Variants in AGBL1 observed in about 807,000 individuals in gnomAD.
The protein encoded by AGBL1 is AGBL carboxypeptidase 1.
A neutral mutation model predicts 118.9 loss-of-function variants in AGBL1; 130 were observed. The observed-to-expected ratio is 1.09, with a 90% CI of 0.95 to 1.26. The LOEUF (loss-of-function observed/expected upper bound fraction) is 1.26. Among genes scored for constraint, AGBL1 ranks in the 50% most tolerant of loss-of-function variants. The probability of loss-of-function intolerance (pLI) is 0.00; values close to 1 mark genes in which losing one functional copy is unlikely to be tolerated. For synonymous variants in AGBL1, 555 were observed against 478.9 expected, an observed-to-expected ratio of 1.16 and a Z score of -2.08; for missense variants, 1,584 against 1,298.1, an observed-to-expected ratio of 1.22 and a Z score of -3.38.
rs2086232605 is a variant in AGBL1 at position 86,695,026 on chromosome 15, G to T, written c.3158+20590G>T. On this transcript the variant is annotated intron_variant, in intron 22 of 22. Transcript: ENST00000614907. Reference sequence around the variant, plus strand: ...TTTTGTTAAGAATTTTTGCATCTGTGTTCATCAGGGATATTGGTCTGTAGT... The same window carrying T: ...TTTTGTTAAGAATTTTTGCATCTGTTTTCATCAGGGATATTGGTCTGTAGT... 2.0e-5 allele frequency among the ~76,000 whole-genome samples: 3 copies of T among 151,952 alleles called. 1 individual carries two copies. Among genetic ancestry groups the T allele is most frequent in the Admixed American group, 2.0e-4 (3 of 15,230 alleles).
intron 18 of AGBL1, among the ~76,000 whole-genome samples, chr15:86,451,818 A>G (rs950022231): frequency 1.3e-5 from 2 of 152,072 alleles, no homozygotes; most frequent in African/African-American, 4.8e-5. Context: ...TATGATTTGC[A>G]CATGTCTGTA....
chr15:86,101,034 T>A (rs557349812), intron 1 of AGBL1, among the ~76,000 whole-genome samples: 1 of 152,296 alleles, frequency 6.6e-6, no homozygotes, highest in South Asian at 2.1e-4. Context: ...CAACTTTTGC[T>A]GTGTGCAATA....
intron 5 of AGBL1, among the ~76,000 whole-genome samples, chr15:86,214,236 G>A (rs2141896330): frequency 6.6e-6 from 1 of 152,298 alleles, no homozygotes; most frequent in South Asian, 2.1e-4. Context: ...CCTGCTCTGT[G>A]CTGTGCATTG....
intron 6 of AGBL1, among the ~76,000 whole-genome samples, chr15:86,229,453 A>G (rs1265121999): frequency 6.6e-6 from 1 of 152,172 alleles, no homozygotes; most frequent in Non-Finnish European, 1.5e-5. Context: ...GCATGAGGGT[A>G]ACTGCCCCCG....
At chr15:86,508,171 C>G (rs2083003496) in intron 18 of AGBL1, among the ~76,000 whole-genome samples, 1 of 151,928 alleles carries the variant, frequency 6.6e-6, no homozygotes, top group Non-Finnish European at 1.5e-5. Flanking sequence ...ATCTGCCCAC[C>G]TTGGCCTCCC....
At chr15:86,616,809 A>T (rs1284587998) in intron 21 of AGBL1, among the ~76,000 whole-genome samples, 1 of 152,208 alleles carries the variant, frequency 6.6e-6, no homozygotes, top group African/African-American at 2.4e-5. Flanking sequence ...TTTGTAAATT[A>T]TACTTCAATA....
intron 5 of AGBL1, among the ~76,000 whole-genome samples, chr15:86,202,873 G>C (rs993859498): frequency 6.6e-6 from 1 of 152,074 alleles, no homozygotes; most frequent in Non-Finnish European, 1.5e-5. Context: ...TGCTCTGGAG[G>C]GGTTTAAGAT....
At chr15:86,636,401 G>A (rs954662704) in intron 21 of AGBL1, among the ~76,000 whole-genome samples, 6 of 151,644 alleles carry the variant, frequency 4.0e-5, no homozygotes, top group African/African-American at 1.2e-4. Flanking sequence ...ATGATTTCAG[G>A]ACATTTTGAA....
chr15:86,161,593 G>A (rs938372196), intron 5 of AGBL1, among the ~76,000 whole-genome samples: 3 of 152,122 alleles, frequency 2.0e-5, no homozygotes, highest in Non-Finnish European at 2.9e-5. Context: ...TGCAGTTAAA[G>A]TTTGCTTAAA....
At chr15:86,403,533 T>C (rs1340233658) in intron 18 of AGBL1, among the ~76,000 whole-genome samples, 1 of 152,110 alleles carries the variant, frequency 6.6e-6, no homozygotes, top group Non-Finnish European at 1.5e-5. Context: ...TTTACTCCAC[T>C]GTGGGTTGTG....
intron 22 of AGBL1, among the ~76,000 whole-genome samples, chr15:86,824,165 A>C (rs1430779185): frequency 6.6e-6 from 1 of 152,128 alleles, no homozygotes; most frequent in African/African-American, 2.4e-5. Context: ...AAGATTGTCT[A>C]TGTAAAACAT....
chr15:86,562,086 T>C (rs535452873), intron 21 of AGBL1, among the ~76,000 whole-genome samples: 62 of 152,322 alleles, frequency 4.1e-4, no homozygotes, highest in African/African-American at 1.4e-3. Flanking sequence ...AATATACAAT[T>C]ATGTCATCTG....
intron 18 of AGBL1, among the ~76,000 whole-genome samples, chr15:86,497,778 G>T (rs2082871750): frequency 6.6e-6 from 1 of 151,854 alleles, no homozygotes; most frequent in South Asian, 2.1e-4. Flanking sequence ...GAGCTACCTG[G>T]TGCACCCAGT....
intron 15 of AGBL1, among the ~76,000 whole-genome samples, chr15:86,277,314 GTGTA>G (rs60657989): frequency 0.039 from 4,263 of 108,318 alleles, 67 homozygotes; most frequent in African/African-American, 0.075. Flanking sequence ...ATGTGTGTGT[GTGTA>G]TGTGTGTGTG....
At position 86,264,277 on chromosome 15, in the gene AGBL1, G is replaced by C. The variant is rs2079036653; in HGVS notation, c.1106G>C (p.Gly369Ala). Reference protein sequence around the residue: ...YSFEELQSKLGDDLNSEKTQY... With the variant: ...YSFEELQSKLADDLNSEKTQY... Reference sequence around the variant, plus strand: ...CTGAAGGAACTGCAGTCCAAACTTGGAGATGATTTGAACTCTGAAAAGACT... The same window carrying C: ...CTGAAGGAACTGCAGTCCAAACTTGCAGATGATTTGAACTCTGAAAAGACT... Residue 369 changes from glycine to alanine, a missense_variant, in exon 11 of 23, where the codon GGA (glycine) becomes GCA (alanine). By Grantham distance (60) the Gly-to-Ala change is moderately conservative. Coordinates refer to ENST00000614907, the MANE Select transcript of AGBL1 (RefSeq NM_001386094.1). The C allele has an allele frequency of 1.2e-6, 2 of 1,600,542 alleles. No individual in the cohort carries two copies. Among genetic ancestry groups the C allele is most frequent in the African/African-American group, 1.3e-5 (1 of 74,500 alleles).
chr15:86,735,290 A>C (rs546231487), intron 22 of AGBL1, among the ~76,000 whole-genome samples: 1 of 152,168 alleles, frequency 6.6e-6, no homozygotes, highest in East Asian at 1.9e-4. Context: ...CATGTCGGTC[A>C]GGATGGTTTT....
chr15:86,769,475 A>G (rs1447684255), intron 22 of AGBL1, among the ~76,000 whole-genome samples: 1 of 151,960 alleles, frequency 6.6e-6, no homozygotes, highest in Non-Finnish European at 1.5e-5. Flanking sequence ...CTCATCACAC[A>G]GTTTCCATGT....
chr15:86,523,242 C>T (rs937155287), intron 19 of AGBL1, among the ~76,000 whole-genome samples: 2 of 152,160 alleles, frequency 1.3e-5, no homozygotes, highest in African/African-American at 4.8e-5. Flanking sequence ...TTTGTCTGTT[C>T]CAGCTTCTGG....
chr15:86,219,248 C>A (rs73447613), intron 5 of AGBL1, among the ~76,000 whole-genome samples: 1 of 152,160 alleles, frequency 6.6e-6, no homozygotes, highest in Admixed American at 6.5e-5. Context: ...ACCCATTCCA[C>A]CTTCCATGAT....
Sources: allele counts gnomAD v4.1 joint callset (sites outside exome capture counted in the v4.1 genomes callset), GRCh38; gene constraint gnomAD v4.1.1; transcripts MANE v1.5; gene names NCBI Gene and HGNC (gene_info 2026-07-23, HGNC 2026-07-21).